NAV2: variants seen among roughly 807,000 people sequenced by gnomAD.
NAV2 encodes the protein neuron navigator 2, also known as helicase, APC down-regulated 1.
A neutral mutation model predicts 223.2 loss-of-function variants in NAV2; 54 were observed. The observed-to-expected ratio is 0.24, with a 90% CI of 0.19 to 0.30. The LOEUF (loss-of-function observed/expected upper bound fraction) is 0.30, where lower values mean the gene tolerates loss of function less well. Ranked by LOEUF, NAV2 falls within the 10% of genes least tolerant of loss-of-function variation. The pLI, the probability that NAV2 is intolerant of heterozygous loss-of-function variation, is 1.00. For synonymous variants in NAV2, 1,279 were observed against 1,239.3 expected (o/e 1.03, Z -0.67); for missense variants, 2,806 against 3,147.5 (o/e 0.89, Z 2.60).
At chr11:19,659,498 A>G (rs757329386) in intron 1 of NAV2, among the ~76,000 whole-genome samples, 2 of 152,178 alleles carry the variant, frequency 1.3e-5, no homozygotes, top group African/African-American at 4.8e-5. Context: ...TGGCTCATGT[A>G]TAGAAAGTAG....
intron 1 of NAV2, among the ~76,000 whole-genome samples, chr11:19,700,882 G>A (rs1188149218): frequency 6.6e-6 from 1 of 152,194 alleles, no homozygotes; most frequent in Non-Finnish European, 1.5e-5. Flanking sequence ...CCAGTGACTG[G>A]CATGTTGCCC....
intron 1 of NAV2, among the ~76,000 whole-genome samples, chr11:19,823,103 G>A (rs555520801): frequency 6.6e-6 from 1 of 152,324 alleles, no homozygotes; most frequent in South Asian, 2.1e-4. Context: ...GCTGAGTGCA[G>A]TGGTGATCAG....
chr11:20,051,157 A>C (rs956787057), intron 16 of NAV2, 132 bp from the exon 17 acceptor site: 5 of 731,252 alleles, frequency 6.8e-6, no homozygotes, highest in Non-Finnish European at 1.2e-5. Flanking sequence ...TTGCACGCCT[A>C]GCTGGATAAG....
chr11:20,046,720 G>T (rs910879729), intron 14 of NAV2, among the ~76,000 whole-genome samples: 1 of 152,046 alleles, frequency 6.6e-6, no homozygotes, highest in Non-Finnish European at 1.5e-5. Flanking sequence ...CTGGGTGGAA[G>T]CTCTAGATAT....
chr11:19,817,465 G>A (rs1343159057), intron 1 of NAV2, among the ~76,000 whole-genome samples: 1 of 152,192 alleles, frequency 6.6e-6, no homozygotes, highest in East Asian at 1.9e-4. Flanking sequence ...GGCAGAGACA[G>A]TTAGGTCCAG....
At chr11:19,855,194 G>A (rs61552031) in intron 3 of NAV2, among the ~76,000 whole-genome samples, 111 of 152,178 alleles carry the variant, frequency 7.3e-4, no homozygotes, top group Middle Eastern at 3.4e-3. Flanking sequence ...AGAATTTAGC[G>A]CAGTGCTTCA....
At chr11:19,873,260 A>T (rs1277178526) in intron 4 of NAV2, among the ~76,000 whole-genome samples, 2 of 152,144 alleles carry the variant, frequency 1.3e-5, no homozygotes, top group African/African-American at 4.8e-5. Context: ...AGTTAATAAG[A>T]CAGAGCTGTG....
intron 1 of NAV2, among the ~76,000 whole-genome samples, chr11:19,382,435 C>T (rs918186712): frequency 1.3e-5 from 2 of 152,118 alleles, no homozygotes; most frequent in African/African-American, 4.8e-5. Context: ...TGGAACTTGT[C>T]GGGGAGTCAA....
At chr11:20,043,446 C>T (rs981421444) in intron 12 of NAV2, among the ~76,000 whole-genome samples, 3 of 152,038 alleles carry the variant, frequency 2.0e-5, no homozygotes, top group African/African-American at 4.8e-5. Context: ...CTTTCTTTTG[C>T]TTTTCTTTTC....
chr11:19,965,623 A>T (rs2048708492), intron 10 of NAV2, among the ~76,000 whole-genome samples: 1 of 152,208 alleles, frequency 6.6e-6, no homozygotes, highest in South Asian at 2.1e-4. Context: ...CATTGGTGAG[A>T]GAGATCTTTC....
Position 19,555,452 on chromosome 11 carries a change from G to C in NAV2, c.75+204425G>C, listed in dbSNP as rs542581242. ...CAGCCAACACTCCCAGACCTGGGGG[G>C]GGCTCTGGGCAGCTCACCACAGCAT... On this transcript the variant is annotated intron_variant, in intron 1 of 37. Coordinates refer to the NAV2 transcript ENST00000360655. Among the ~76,000 whole-genome samples, 3 of 152,184 alleles carry C rather than the reference G, an allele frequency of 2.0e-5. No individual in the cohort carries two copies. In the East Asian group the frequency reaches 5.8e-4, roughly 29 times the overall value.
At chr11:19,442,257 G>C (rs11025137) in intron 1 of NAV2, among the ~76,000 whole-genome samples, 41,922 of 152,214 alleles carry the variant, frequency 0.28, 6,087 homozygotes, top group East Asian at 0.54. Context: ...GTTGAGGAAA[G>C]GGGGCTGGCC....
chr11:19,860,058 C>G (rs1366769224), intron 3 of NAV2, among the ~76,000 whole-genome samples: 2 of 124,600 alleles, frequency 1.6e-5, no homozygotes, highest in African/African-American at 6.2e-5. Flanking sequence ...CCCCCCAACT[C>G]CCTCCTGGAC....
At chr11:19,745,389 C>G (rs2053246354) in intron 1 of NAV2, among the ~76,000 whole-genome samples, 1 of 152,208 alleles carries the variant, frequency 6.6e-6, no homozygotes. Flanking sequence ...TCCTTGGGCC[C>G]CTAAAACTAT....
intron 14 of NAV2, 51 bp downstream of exon 14, chr11:20,045,721 A>G (rs1317052463): frequency 2.8e-6 from 4 of 1,417,524 alleles, no homozygotes; most frequent in Non-Finnish European, 3.9e-6. Context: ...CAGGGAATGG[A>G]TTTAGTAATT....
At chr11:19,926,078 GA>G (rs1309489293) in intron 6 of NAV2, among the ~76,000 whole-genome samples, 1 of 152,058 alleles carries the variant, frequency 6.6e-6, no homozygotes, top group Non-Finnish European at 1.5e-5. Flanking sequence ...AGATTCCAAT[GA>G]ATTTTAGGAT....
At chr11:19,437,018 T>G (rs1045229120) in intron 1 of NAV2, among the ~76,000 whole-genome samples, 7 of 152,188 alleles carry the variant, frequency 4.6e-5, no homozygotes, top group Non-Finnish European at 1.0e-4. Flanking sequence ...GATCATGTAG[T>G]CAGCAGAGAC....
rs56384242 is a variant in NAV2 at position 19,679,430 on chromosome 11, C to CAAAAAAAAA, written c.76-153047_76-153046insAAAAAAAAA. Among the ~76,000 whole-genome samples, 43 of 114,088 alleles carry CAAAAAAAAA rather than the reference C, an allele frequency of 3.8e-4. 4 individuals carry two copies. The highest frequency in any genetic ancestry group is 1.2e-3 in the East Asian group (4 of 3,420). The allele number at this position is 114,088 out of a possible 152,430, so 74.8% of individuals were successfully genotyped here. ...TGGGCAACAGAACGAGACTCTGTCT[C>CAAAAAAAAA]AAAAAAACACAAAAAGATTTGGGGG... On this transcript the variant is annotated intron_variant, in intron 1 of 37. Transcript: ENST00000360655.
At chr11:19,834,988 G>A (rs1802263488) in intron 2 of NAV2, among the ~76,000 whole-genome samples, 1 of 152,222 alleles carries the variant, frequency 6.6e-6, no homozygotes, top group Non-Finnish European at 1.5e-5. Context: ...AGGATGATGA[G>A]GTCTCAATAT....
Sources: allele counts gnomAD v4.1 joint callset (sites outside exome capture counted in the v4.1 genomes callset), GRCh38; gene constraint gnomAD v4.1.1; transcripts MANE v1.5; gene names NCBI Gene and HGNC (gene_info 2026-07-23, HGNC 2026-07-21).